FAAH2: variants seen among roughly 807,000 people sequenced by gnomAD.
FAAH2 encodes fatty-acid amide hydrolase 2.
FAAH2 carries 60 observed loss-of-function variants against 36.9 expected under a neutral mutation model. That is an observed-to-expected ratio of 1.63 (90% CI 1.32 to 2.02). FAAH2 has a LOEUF of 2.02. Among genes scored for constraint, FAAH2 ranks in the 30% most tolerant of loss-of-function variants. The pLI, the probability that FAAH2 is intolerant of heterozygous loss-of-function variation, is 0.00. For synonymous variants in FAAH2, 214 were observed against 143.8 expected (o/e 1.49, Z -3.49); for missense variants, 689 against 397.5 (o/e 1.73, Z -6.23).
intron 7 of FAAH2, chrX:57,393,387 A>T: frequency 1.4e-6 from 1 of 735,916 alleles, no homozygotes; most frequent in South Asian, 2.1e-5. Flanking sequence ...AGACCGGAAT[A>T]CTGGGATTTG....
chrX:57,394,909 C>T, intron 7 of FAAH2: 2 of 722,457 alleles, frequency 2.8e-6, no homozygotes, highest in South Asian at 2.1e-5. Flanking sequence ...TGCACCCAAC[C>T]ACCACAGCAT....
At chrX:57,446,684 T>C (rs1326360347) in intron 8 of FAAH2, among the ~76,000 whole-genome samples, 3 of 111,987 alleles carry the variant, frequency 2.7e-5, no homozygotes, top group Non-Finnish European at 5.6e-5. Flanking sequence ...GTATGTGATG[T>C]CTTGTTACTG....
the FAAH2 span, among the ~76,000 whole-genome samples, chrX:57,205,618 G>T: frequency 1.8e-5 from 2 of 111,948 alleles, no homozygotes; most frequent in Non-Finnish European, 3.8e-5. Flanking sequence ...GAAGTATAGG[G>T]CATCTGAAAA....
rs745780691 is a variant in FAAH2 at position 57,447,010 on chromosome X, G to A, written c.1199G>A (p.Gly400Asp). The A allele has an allele frequency of 1.7e-6, 2 of 1,204,926 alleles. No homozygotes were observed. The highest frequency in any genetic ancestry group is 4.4e-5 in the Admixed American group (2 of 45,843). ...TGGGAGTTGATCAAATGGTGCCTGG[G>A]TCTGTCAGTGTACACCATCCCTTCC... ...PLWELIKWCL[G>D]LSVYTIPSIG... Residue 400 changes from glycine (G) to aspartate (D), a missense_variant, in exon 9 of 11, where the codon GGT becomes GAT. Physicochemically the swap from Gly to Asp is moderately conservative, Grantham distance 94. Coordinates refer to ENST00000374900, the MANE Select transcript of FAAH2 (RefSeq NM_174912.4).
the FAAH2 span, among the ~76,000 whole-genome samples, chrX:57,141,623 C>T: frequency 4.5e-5 from 5 of 111,024 alleles, no homozygotes; most frequent in East Asian, 2.8e-4. Flanking sequence ...ATTATTGGTC[C>T]GTTCAGGTTT....
chrX:57,282,319 A>G (rs189829745), upstream of FAAH2, among the ~76,000 whole-genome samples: 103 of 112,053 alleles, frequency 9.2e-4, no homozygotes, highest in South Asian at 6.0e-3. Context: ...TCTGACGATT[A>G]GTGATGATGA....
the FAAH2 span, among the ~76,000 whole-genome samples, chrX:57,275,548 C>G: frequency 2.7e-5 from 3 of 112,252 alleles, no homozygotes; most frequent in African/African-American, 9.7e-5. Context: ...GACATCATAA[C>G]GAGAGGATCA....
At chrX:57,174,400 A>G in the FAAH2 span, among the ~76,000 whole-genome samples, 2 of 111,422 alleles carry the variant, frequency 1.8e-5, no homozygotes, top group Non-Finnish European at 3.8e-5. Context: ...GTAGTGTCAA[A>G]TAATCCTTTG....
chrX:57,242,662 G>A, the FAAH2 span, among the ~76,000 whole-genome samples: 1 of 111,761 alleles, frequency 8.9e-6, no homozygotes, highest in Non-Finnish European at 1.9e-5. Flanking sequence ...AGGGGTTGAG[G>A]AACTCCCTCC....
intron 10 of FAAH2, among the ~76,000 whole-genome samples, chrX:57,486,110 G>T (rs747413026): frequency 2.7e-5 from 3 of 111,858 alleles, no homozygotes; most frequent in African/African-American, 9.7e-5. Flanking sequence ...AGATTGCATT[G>T]CATGCTGCCT....
At chrX:57,479,015 T>C (rs2057325953) in intron 10 of FAAH2, among the ~76,000 whole-genome samples, 2 of 111,725 alleles carry the variant, frequency 1.8e-5, no homozygotes, top group Non-Finnish European at 3.8e-5. Flanking sequence ...TTTTTCCCAA[T>C]TCTGTGAAGA....
At chrX:57,428,860 T>C (rs1366190361) in intron 7 of FAAH2, among the ~76,000 whole-genome samples, 1 of 112,030 alleles carries the variant, frequency 8.9e-6, no homozygotes, top group Non-Finnish European at 1.9e-5. Context: ...TAAAAACAAA[T>C]GCACAATACC....
At chrX:57,453,393 C>T (rs184843313) in intron 10 of FAAH2, among the ~76,000 whole-genome samples, 80 of 112,724 alleles carry the variant, frequency 7.1e-4, no homozygotes, top group African/African-American at 2.5e-3. Flanking sequence ...GCAGGCCATG[C>T]CTGCTAGAGC....
Position 57,367,762 on chromosome X carries a change from C to T in FAAH2, c.743-10889C>T, listed in dbSNP as rs2054453625. Among the ~76,000 whole-genome samples, 3 of 111,900 alleles carry T rather than the reference C, an allele frequency of 2.7e-5. No homozygotes were observed. In the Admixed American group the frequency reaches 2.8e-4, roughly 11 times the overall value. Reference sequence around the variant, plus strand: ...CAGAAAGTAAGAAGGAGGTTTCTAACAGCCCCTCTTAAGATCATGGATGTC... The same window carrying T: ...CAGAAAGTAAGAAGGAGGTTTCTAATAGCCCCTCTTAAGATCATGGATGTC... On this transcript the variant is annotated intron_variant, in intron 5 of 10. Transcript: ENST00000374900.
At chrX:57,450,449 C>T (rs2056763859) in intron 10 of FAAH2, among the ~76,000 whole-genome samples, 1 of 111,521 alleles carries the variant, frequency 9.0e-6, no homozygotes. Flanking sequence ...TTCTATCTGA[C>T]TTTAAATGCA....
chrX:57,201,404 C>T, the FAAH2 span, among the ~76,000 whole-genome samples: 2 of 107,874 alleles, frequency 1.9e-5, no homozygotes, highest in African/African-American at 7.0e-5. Flanking sequence ...GGCAACAGAG[C>T]CTTTAGCTCT....
intron 4 of FAAH2, among the ~76,000 whole-genome samples, chrX:57,334,613 A>T (rs1408256782): frequency 9.0e-6 from 1 of 111,689 alleles, no homozygotes; most frequent in Non-Finnish European, 1.9e-5. Context: ...CAAAATAATA[A>T]TGCCAACAAT....
chrX:57,258,116 G>T, the FAAH2 span, among the ~76,000 whole-genome samples: 2 of 111,622 alleles, frequency 1.8e-5, no homozygotes, highest in Non-Finnish European at 3.8e-5. Flanking sequence ...CAGTGGAACA[G>T]AATAGAAAGC....
chrX:57,428,248 C>CA (rs1205569339), intron 7 of FAAH2, among the ~76,000 whole-genome samples: 2 of 111,405 alleles, frequency 1.8e-5, no homozygotes, highest in Non-Finnish European at 1.9e-5. Context: ...TTTGAGATGA[C>CA]AAAAATAAAT....
Sources: gnomAD v4.1 joint callset for allele counts (sites outside exome capture counted in the v4.1 genomes callset) on GRCh38, gnomAD v4.1.1 for gene constraint, MANE v1.5 for transcripts, NCBI Gene and HGNC (gene_info 2026-07-23, HGNC 2026-07-21) for gene names.